MSI2: variants seen among roughly 807,000 people sequenced by gnomAD.
MSI2 encodes the protein RNA-binding protein Musashi homolog 2.
A neutral mutation model predicts 45.6 loss-of-function variants in MSI2; 17 were observed. The ratio of observed to expected loss-of-function variants is 0.37; its 90% CI spans 0.26 to 0.56. The LOEUF is 0.56. Among genes scored for constraint, MSI2 ranks in the 20% least tolerant of loss-of-function variants. MSI2 has a pLI of 0.77. For synonymous variants in MSI2, 156 were observed against 158.2 expected (o/e 0.99, Z 0.11); for missense variants, 293 against 444.2 (o/e 0.66, Z 3.06).
rs569520888 is a variant in MSI2, at chr17:57,260,355, C to T, written c.271-1796C>T. Reference sequence around the variant, plus strand: ...TCCAGGAGTTCTGAATTGGCTTTTTCGTTTTGTGATTTAAATTTTCTTTAG... The same window carrying T: ...TCCAGGAGTTCTGAATTGGCTTTTTTGTTTTGTGATTTAAATTTTCTTTAG... On this transcript the variant is annotated intron_variant, in intron 4 of 13. Transcript: ENST00000284073. 9.9e-4 allele frequency among the ~76,000 whole-genome samples: 150 copies of T among 152,182 alleles called. 2 individuals carry two copies. Among genetic ancestry groups the T allele is most frequent in the South Asian group, 2.1e-4 (1 of 4,820 alleles).
intron 6 of MSI2, among the ~76,000 whole-genome samples, chr17:57,518,848 C>T (rs1029901932): frequency 1.3e-5 from 2 of 152,258 alleles, no homozygotes; most frequent in Non-Finnish European, 2.9e-5. Flanking sequence ...GAGCCTCACA[C>T]GAGAGGCCGT....
At chr17:57,256,517 G>A (rs1906725264), upstream of MSI2, 2 of 314,746 alleles carry the variant, frequency 6.4e-6, no homozygotes, top group African/African-American at 2.3e-5. Context: ...GCGGGGACGG[G>A]GGGGTGTGCG....
chr17:57,588,994 C>T (rs530481886), intron 7 of MSI2, among the ~76,000 whole-genome samples: 29 of 152,304 alleles, frequency 1.9e-4, no homozygotes, highest in African/African-American at 5.8e-4. Flanking sequence ...TGCTCAGTGA[C>T]GGCAGATGAG....
chr17:57,512,941 G>A (rs1179707418), intron 6 of MSI2, among the ~76,000 whole-genome samples: 1 of 143,150 alleles, frequency 7.0e-6, no homozygotes, highest in Non-Finnish European at 1.5e-5. Flanking sequence ...TTATGTGCCA[G>A]AATATTGCAC....
At chr17:57,544,487 G>A (rs1210025653) in intron 7 of MSI2, among the ~76,000 whole-genome samples, 1 of 152,188 alleles carries the variant, frequency 6.6e-6, no homozygotes, top group Non-Finnish European at 1.5e-5. Context: ...GTAGGGCGCT[G>A]CAGGTAGCCC....
At chr17:57,688,508 T>C (rs1913924862), downstream of MSI2, among the ~76,000 whole-genome samples, 1 of 152,134 alleles carries the variant, frequency 6.6e-6, no homozygotes, top group Non-Finnish European at 1.5e-5. Flanking sequence ...ATATACAGCA[T>C]ATCATAGAAA....
chr17:57,480,241 A>G (rs1456616653), intron 6 of MSI2, among the ~76,000 whole-genome samples: 2 of 152,154 alleles, frequency 1.3e-5, no homozygotes, highest in African/African-American at 4.8e-5. Context: ...GGGGTTACAC[A>G]TGTGAGCCAC....
chr17:57,602,284 T>C (rs1402183518), intron 8 of MSI2, among the ~76,000 whole-genome samples: 1 of 152,192 alleles, frequency 6.6e-6, no homozygotes. Context: ...AGACAGTTCT[T>C]CCGGTGTGGC....
chr17:57,416,533 G>T (rs908660987), intron 6 of MSI2, among the ~76,000 whole-genome samples: 3 of 152,174 alleles, frequency 2.0e-5, no homozygotes, highest in Non-Finnish European at 4.4e-5. Context: ...CTGCCTTCTC[G>T]TGGACTGGGA....
Position 57,596,775 on chromosome 17 carries a change from C to T in MSI2, c.455-93C>T. On this transcript the variant is annotated intron_variant, in intron 7 of 13. Transcript: ENST00000284073. This position sits in a 1 kb window ranked among gnomAD's most constrained non-coding sequence, Gnocchi z 4.6. The stretch of plus-strand genomic sequence containing the variant: ...ACCTACCCCCAGACCAGGAGGCTGT[C>T]AAGACCTCAGGACGTCAGAGAAAAA... 1.2e-6 allele frequency: 1 copy of T among 841,876 alleles called. No homozygotes were observed. Among genetic ancestry groups the T allele is most frequent in the East Asian group, 2.4e-5 (1 of 41,026 alleles). The allele number at this position is 841,876 out of a possible 1,614,324, so 52.2% of individuals were successfully genotyped here.
chr17:57,304,745 A>C (rs1911740748), intron 5 of MSI2, among the ~76,000 whole-genome samples: 1 of 152,118 alleles, frequency 6.6e-6, no homozygotes, highest in Non-Finnish European at 1.5e-5. Context: ...TTAAGAGTTT[A>C]CCCAGAATTC....
At chr17:57,293,469 T>C (rs1910622264) in intron 5 of MSI2, among the ~76,000 whole-genome samples, 1 of 152,198 alleles carries the variant, frequency 6.6e-6, no homozygotes, top group Non-Finnish European at 1.5e-5. Context: ...GCAACAGCGC[T>C]TGGCTGTACC....
At chr17:57,379,686 T>C (rs575880880) in intron 5 of MSI2, among the ~76,000 whole-genome samples, 1 of 152,288 alleles carries the variant, frequency 6.6e-6, no homozygotes, top group East Asian at 1.9e-4. Flanking sequence ...AGGCTGGCGA[T>C]AAGGGGCCTG....
chr17:57,488,299 G>A (rs546324591), intron 6 of MSI2, among the ~76,000 whole-genome samples: 2 of 152,232 alleles, frequency 1.3e-5, no homozygotes, highest in Non-Finnish European at 2.9e-5. Context: ...TGCAGCATCT[G>A]CGGAAGCTTG....
In MSI2 at chr17:57,652,282, G is replaced by C. The variant is rs896593479; in HGVS notation, c.790+121G>C. Reference sequence around the variant, plus strand: ...AACACCACTCTCACCACAGCCCCGGGGAGGGGGTGGACGGGGAGGGGGTGG... The same window carrying C: ...AACACCACTCTCACCACAGCCCCGGCGAGGGGGTGGACGGGGAGGGGGTGG... On this transcript the variant is annotated intron_variant, in intron 11 of 13. Transcript: ENST00000284073. This position sits in a 1 kb window ranked among gnomAD's most constrained non-coding sequence, Gnocchi z 4.1. The C allele has an allele frequency of 1.9e-5, 20 of 1,049,994 alleles. No homozygotes were observed. The South Asian group carries it at 2.6e-4, about 14-fold the overall frequency. The allele number at this position is 1,049,994 out of a possible 1,614,324, so 65.0% of individuals were successfully genotyped here. A position where few individuals can be genotyped will look rare whatever the true frequency, so the allele number is the denominator to read the frequency against.
In MSI2 at chr17:57,531,798, G is replaced by A. The variant is rs926577037; in HGVS notation, c.454+2074G>A. 7.9e-5 allele frequency: 12 copies of A among 152,174 alleles called. 1 individual carries two copies. The highest frequency in any genetic ancestry group is 2.4e-4 in the African/African-American group (10 of 41,410). The allele number at this position is 152,174 out of a possible 1,614,324, so 9.4% of individuals were successfully genotyped here. ...ATGGCAGAGGTGGGGTTGAAACACC[G>A]GACTTTGGACTTCTGGGTGAAGGCC... On this transcript the variant is annotated intron_variant, in intron 7 of 13. Transcript: ENST00000284073.
At chr17:57,670,396 C>G (rs1323030796) in intron 11 of MSI2, among the ~76,000 whole-genome samples, 1 of 152,228 alleles carries the variant, frequency 6.6e-6, no homozygotes, top group African/African-American at 2.4e-5. Flanking sequence ...CTTTAGAACC[C>G]TAAGGGAAAG....
At chr17:57,405,266 A>T (rs2084062257) in intron 6 of MSI2, among the ~76,000 whole-genome samples, 1 of 152,192 alleles carries the variant, frequency 6.6e-6, no homozygotes, top group Non-Finnish European at 1.5e-5. Flanking sequence ...TCCTTGTTGC[A>T]GCTACTCACT....
At chr17:57,501,712 T>C (rs1412105080) in intron 6 of MSI2, among the ~76,000 whole-genome samples, 1 of 152,216 alleles carries the variant, frequency 6.6e-6, no homozygotes, top group Non-Finnish European at 1.5e-5. Context: ...AGTTCAGCCG[T>C]TGGCAACGAG....
Sources: allele counts gnomAD v4.1 joint callset (sites outside exome capture counted in the v4.1 genomes callset), GRCh38; gene constraint gnomAD v4.1.1; non-coding constraint Gnocchi (gnomAD v3.1); transcripts MANE v1.5; gene names NCBI Gene and HGNC (gene_info 2026-07-23, HGNC 2026-07-21).